The following PPP4C variants were observed in gnomAD, a reference collection of about 807,000 sequenced individuals.
PPP4C encodes protein phosphatase 4 catalytic subunit.
Under a neutral mutation model 40.5 loss-of-function variants are expected in PPP4C, and 10 were observed. That is an observed-to-expected ratio of 0.25 (90% CI 0.15 to 0.42). The LOEUF (loss-of-function observed/expected upper bound fraction) is 0.42, where lower values mean the gene tolerates loss of function less well. Ranked by LOEUF, PPP4C falls within the 10% of genes least tolerant of loss-of-function variation. PPP4C has a pLI of 1.00. For missense variants in PPP4C, 191 were observed against 416.4 expected (o/e 0.46, Z 4.71); for synonymous variants, 187 against 163.6 (o/e 1.14, Z -1.09).
At chr16:30,082,718 C>A in intron 4 of PPP4C, 28 bp from the exon 5 acceptor site, 1 of 1,600,628 alleles carries the variant, frequency 6.2e-7, no homozygotes. Context: ...CTGTTTACGA[C>A]AGGGCAAAAC....
Position 30,083,417 on chromosome 16 carries a change from A to C in PPP4C, c.327A>C (p.Thr109=). Residue 109 remains threonine, a synonymous_variant, in exon 6 of 9, where the codon ACA becomes ACC. Transcript: ENST00000279387. This position sits in a 1 kb window ranked among gnomAD's most constrained non-coding sequence, Gnocchi z 6.3. ...ALKVRYPDRI[T]LIRGNHESRQ... is the part of the protein sequence containing the mutation. ...AGGTTCGCTATCCTGATCGCATCAC[A>C]CTGATCCGGGGCAACCATGAGAGTC... 1 of 1,613,744 alleles carries C rather than the reference A, an allele frequency of 6.2e-7. No homozygotes were observed. Among genetic ancestry groups the C allele is most frequent in the Non-Finnish European group, 8.5e-7 (1 of 1,179,920 alleles).
chr16:30,076,757 A>G (rs1485874628), intron 2 of PPP4C, among the ~76,000 whole-genome samples: 3 of 152,190 alleles, frequency 2.0e-5, no homozygotes, highest in Admixed American at 2.0e-4. Context: ...CGGGGGACGG[A>G]AGCTTGTTGG....
At chr16:30,078,180 G>A (rs2072438699) in intron 2 of PPP4C, among the ~76,000 whole-genome samples, 1 of 152,218 alleles carries the variant, frequency 6.6e-6, no homozygotes, top group Non-Finnish European at 1.5e-5. Flanking sequence ...GGAGTTTGCA[G>A]AATAGCAGGA....
At chr16:30,080,206 G>A (rs1263189492) in intron 2 of PPP4C, among the ~76,000 whole-genome samples, 3 of 151,688 alleles carry the variant, frequency 2.0e-5, no homozygotes, top group Admixed American at 2.0e-4. Context: ...TTAGCTGGGC[G>A]TGGTGGTACA....
At position 30,076,057 on chromosome 16, in the gene PPP4C, C is replaced by T. The variant is rs770530213; in HGVS notation, c.-101C>T. 683 of 425,918 alleles carry T rather than the reference C, an allele frequency of 1.6e-3. 2 individuals carry two copies. The highest frequency in any genetic ancestry group is 2.5e-3 in the Non-Finnish European group (601 of 237,492). The allele number at this position is 425,918 out of a possible 1,614,324, so 26.4% of individuals were successfully genotyped here. ...TCGAAAGCGGAGTGAAAGAGGGAGGCAGGGAGCCGGAGAGCCGGAACCGGA... is the reference window on the plus strand; with the variant it reads ...TCGAAAGCGGAGTGAAAGAGGGAGGTAGGGAGCCGGAGAGCCGGAACCGGA... On this transcript the variant is annotated 5_prime_UTR_variant, in exon 1 of 9. Coordinates refer to ENST00000279387, the MANE Select transcript of PPP4C (RefSeq NM_002720.3).
chr16:30,081,199 G>T (rs1311180209), intron 2 of PPP4C, 60 bp from the exon 3 acceptor site: 1 of 1,610,496 alleles, frequency 6.2e-7, no homozygotes. Context: ...CCCCAAAAAA[G>T]GTCAGGAATT....
At position 30,083,021 on chromosome 16, in the gene PPP4C, G is replaced by C. The variant is rs2072540726; in HGVS notation, c.303+174G>C. ...AGAGACTTGATGGGGGTTGAGGCCA[G>C]CGGGGCAGCATTCTGGGAGGGGCAG... On this transcript the variant is annotated intron_variant, in intron 5 of 8. Coordinates refer to ENST00000279387, the MANE Select transcript of PPP4C (RefSeq NM_002720.3). The surrounding 1 kb of genome is among the most constrained non-coding windows in gnomAD (Gnocchi z 6.3). 12 of 623,530 alleles carry C rather than the reference G, an allele frequency of 1.9e-5. No homozygotes were observed. In the South Asian group the frequency reaches 2.4e-4, roughly 12 times the overall value. The allele number at this position is 623,530 out of a possible 1,614,324, so 38.6% of individuals were successfully genotyped here.
intron 2 of PPP4C, 23 bp downstream of exon 2, chr16:30,076,498 AG>A (rs766762041): frequency 6.3e-7 from 1 of 1,590,250 alleles, no homozygotes; most frequent in South Asian, 1.1e-5. Flanking sequence ...GCCCTGGGGA[AG>A]GGAGGCCAAG....
chr16:30,076,084 TCGCAG>T lies in PPP4C; in HGVS notation c.-71_-67del. 1 of 422,128 alleles carries T rather than the reference TCGCAG, an allele frequency of 2.4e-6. No individual in the cohort carries two copies. Among genetic ancestry groups the T allele is most frequent in the Non-Finnish European group, 4.2e-6 (1 of 236,598 alleles). The allele number at this position is 422,128 out of a possible 1,614,324, so 26.1% of individuals were successfully genotyped here. A position where few individuals can be genotyped will look rare whatever the true frequency, so the allele number is the denominator to read the frequency against. ...GGGAGCCGGAGAGCCGGAACCGGAGTCGCAGCGGCGGTAATAGTGCGAGACTCCTC... is the reference window on the plus strand; with the variant it reads ...GGGAGCCGGAGAGCCGGAACCGGAGTCGGCGGTAATAGTGCGAGACTCCTC... On this transcript the variant is annotated 5_prime_UTR_variant, in exon 1 of 9. Transcript: ENST00000279387.
chr16:30,083,389 C>G lies in PPP4C; in HGVS notation c.304-5C>G. 2.5e-6 allele frequency: 4 copies of G among 1,605,542 alleles called. No homozygotes were observed. The highest frequency in any genetic ancestry group is 8.5e-7 in the Non-Finnish European group (1 of 1,174,460). ...CGCCAGCCCTGGCTTGGTGGCCACCCCCAGGTTCGCTATCCTGATCGCATC... is the reference window on the plus strand; with the variant it reads ...CGCCAGCCCTGGCTTGGTGGCCACCGCCAGGTTCGCTATCCTGATCGCATC... On this transcript the variant is annotated splice_region_variant and splice_polypyrimidine_tract_variant and intron_variant, in intron 5 of 8. Transcript: ENST00000279387. The surrounding 1 kb of genome is among the most constrained non-coding windows in gnomAD (Gnocchi z 6.3).
rs2072604155 is a variant in PPP4C, at chr16:30,085,360, A to G, written c.*298A>G. The G allele has an allele frequency of 3.6e-6, 1 of 277,502 alleles. No individual in the cohort carries two copies. Among genetic ancestry groups the G allele is most frequent in the Non-Finnish European group, 6.8e-6 (1 of 148,010 alleles). 17.2% of individuals were successfully genotyped at this position (277,502 alleles called of 1,614,324 possible). On this transcript the variant is annotated 3_prime_UTR_variant, in exon 9 of 9. Coordinates refer to ENST00000279387, the MANE Select transcript of PPP4C (RefSeq NM_002720.3). Reference sequence around the variant, plus strand: ...AGAAAAAAAATGAAAAAATTCTAATAAAAGAAGAAAAATGGTTTTTGGGTT... The same window carrying G: ...AGAAAAAAAATGAAAAAATTCTAATGAAAGAAGAAAAATGGTTTTTGGGTT...
At chr16:30,076,277 C>G in intron 1 of PPP4C, 38 bp from the exon 2 acceptor site, 3 of 1,216,738 alleles carry the variant, frequency 2.5e-6, no homozygotes, top group Non-Finnish European at 3.5e-6. Flanking sequence ...GAGCCCCGGA[C>G]GGACACTGAT....
At position 30,082,711 on chromosome 16, in the gene PPP4C, T is replaced by C. The variant is rs373126844; in HGVS notation, c.202-35T>C. ...GAAACAGGTAGGGGGTAGGGGACTGTTTACGACAGGGCAAAACTTTCTACT... is the reference window on the plus strand; with the variant it reads ...GAAACAGGTAGGGGGTAGGGGACTGCTTACGACAGGGCAAAACTTTCTACT... On this transcript the variant is annotated intron_variant, in intron 4 of 8. Coordinates refer to ENST00000279387, the MANE Select transcript of PPP4C (RefSeq NM_002720.3). The C allele has an allele frequency of 2.6e-5, 42 of 1,596,518 alleles. 1 individual carries two copies. In the Middle Eastern group the frequency reaches 1.2e-3, roughly 44 times the overall value.
In PPP4C at chr16:30,085,106, C is replaced by G. The variant is rs1266728074; in HGVS notation, c.*44C>G. On this transcript the variant is annotated 3_prime_UTR_variant, in exon 9 of 9. Coordinates refer to ENST00000279387, the MANE Select transcript of PPP4C (RefSeq NM_002720.3). ...CCCTCCAACCCTTCTGGCCCTCGCA[C>G]CACTGTGACTCTGCCATCTTCCTCA... is the stretch of plus-strand genomic sequence containing the variant. 5 of 1,600,296 alleles carry G rather than the reference C, an allele frequency of 3.1e-6. No homozygotes were observed. Among genetic ancestry groups the G allele is most frequent in the Middle Eastern group, 2.0e-4 (1 of 4,986 alleles).
At chr16:30,081,410 T>C (rs1433390672) in intron 3 of PPP4C, 100 bp downstream of exon 3, 5 of 962,452 alleles carry the variant, frequency 5.2e-6, no homozygotes, top group East Asian at 4.8e-5. Context: ...CTAAGCTCTT[T>C]TATCTGTCCT....
At position 30,082,496 on chromosome 16, in the gene PPP4C, A is replaced by G; in HGVS notation, c.163A>G (p.Ile55Val). Residue 55 changes from isoleucine (I) to valine (V), a missense_variant, in exon 4 of 9, where the codon ATC becomes GTC. Ile to Val is a conservative substitution (Grantham distance 29). This residue lies in a region of PPP4C where 171 missense variants were observed against 352.4 expected (regional missense o/e 0.49). Transcript: ENST00000279387. Reference sequence around the variant, plus strand: ...TCCTGTTCCCCAGGTGTGCGGCGACATCCATGGACAATTCTATGACCTCAA... The same window carrying G: ...TCCTGTTCCCCAGGTGTGCGGCGACGTCCATGGACAATTCTATGACCTCAA... ...VDSPVTVCGD[I>V]HGQFYDLKEL... 1 of 1,613,694 alleles carries G rather than the reference A, an allele frequency of 6.2e-7. No homozygotes were observed. Among genetic ancestry groups the G allele is most frequent in the Non-Finnish European group, 8.5e-7 (1 of 1,179,604 alleles).
Position 30,083,083 on chromosome 16 carries a change from C to G in PPP4C, c.303+236C>G, listed in dbSNP as rs1404354606. ...TGCGAATGTGGCAGGTCATTGATGCCACTGGTGGGAGAGGCAGTGTGGGGC... is the reference window on the plus strand; with the variant it reads ...TGCGAATGTGGCAGGTCATTGATGCGACTGGTGGGAGAGGCAGTGTGGGGC... On this transcript the variant is annotated intron_variant, in intron 5 of 8. Coordinates refer to ENST00000279387, the MANE Select transcript of PPP4C (RefSeq NM_002720.3). This position sits in a 1 kb window ranked among gnomAD's most constrained non-coding sequence, Gnocchi z 6.3. 2 of 588,100 alleles carry G rather than the reference C, an allele frequency of 3.4e-6. No individual in the cohort carries two copies. Among genetic ancestry groups the G allele is most frequent in the East Asian group, 5.7e-5 (2 of 35,006 alleles). 36.4% of individuals were successfully genotyped at this position (588,100 alleles called of 1,614,324 possible). A position where few individuals can be genotyped will look rare whatever the true frequency, so the allele number is the denominator to read the frequency against.
At position 30,081,335 on chromosome 16, in the gene PPP4C, G is replaced by A. The variant is rs780605019; in HGVS notation, c.150+25G>A. 5.0e-6 allele frequency: 8 copies of A among 1,591,200 alleles called. No homozygotes were observed. The African/African-American group carries it at 1.1e-4, about 21-fold the overall frequency. ...AGTGAGTACCTGCTGTCCCTGCAGA[G>A]CCAGGCCTGGTCTTTCAGGCACATG... On this transcript the variant is annotated intron_variant, in intron 3 of 8. Transcript: ENST00000279387.
In PPP4C at chr16:30,082,531, C is replaced by A; in HGVS notation, c.198C>A (p.Phe66Leu). Residue 66 changes from phenylalanine to leucine, a missense_variant, in exon 4 of 9, where the codon TTC becomes TTA. Around this residue, in one of 3 missense-constraint regions of PPP4C, gnomAD observed 171 missense variants for 352.4 expected, o/e 0.49. Coordinates refer to ENST00000279387, the MANE Select transcript of PPP4C (RefSeq NM_002720.3). The part of the protein sequence containing the change: ...HGQFYDLKEL[F>L]RVGGDVPETN... ...AATTCTATGACCTCAAAGAGCTGTTCAGAGTAAGAGTGTGGCCAACACTGT... is the reference window on the plus strand; with the variant it reads ...AATTCTATGACCTCAAAGAGCTGTTAAGAGTAAGAGTGTGGCCAACACTGT... 1 of 1,612,964 alleles carries A rather than the reference C, an allele frequency of 6.2e-7. No homozygotes were observed. The highest frequency in any genetic ancestry group is 8.5e-7 in the Non-Finnish European group (1 of 1,178,998).
Sources: gnomAD v4.1 joint callset for allele counts (sites outside exome capture counted in the v4.1 genomes callset) on GRCh38, gnomAD v4.1.1 for gene constraint, gnomAD v4.1.1 regional missense constraint, Gnocchi (gnomAD v3.1) non-coding constraint, MANE v1.5 for transcripts, NCBI Gene and HGNC (gene_info 2026-07-23, HGNC 2026-07-21) for gene names.